ECT2L: variants seen among roughly 807,000 people sequenced by gnomAD.
ECT2L encodes epithelial cell transforming 2 like.
A neutral mutation model predicts 122.8 loss-of-function variants in ECT2L; 126 were observed. The ratio of observed to expected loss-of-function variants is 1.03; its 90% CI spans 0.89 to 1.19. The LOEUF (loss-of-function observed/expected upper bound fraction) is 1.19. Ranked by LOEUF, ECT2L falls within the 50% of genes most tolerant of loss-of-function variation. The pLI, the probability that ECT2L is intolerant of heterozygous loss-of-function variation, is 0.00. For synonymous variants in ECT2L, 385 were observed against 381.8 expected, an observed-to-expected ratio of 1.01 and a Z score of -0.10; for missense variants, 1,012 against 1,064.1, an observed-to-expected ratio of 0.95 and a Z score of 0.68.
At chr6:138,845,917 A>G (rs1355653153) in intron 7 of ECT2L, among the ~76,000 whole-genome samples, 3 of 150,718 alleles carry the variant, frequency 2.0e-5, no homozygotes, top group African/African-American at 7.3e-5. Flanking sequence ...CCCCCACCCA[A>G]AAAAAAATCT....
chr6:138,897,179 T>A (rs1400476123), intron 20 of ECT2L, among the ~76,000 whole-genome samples: 1 of 151,922 alleles, frequency 6.6e-6, no homozygotes, highest in South Asian at 2.1e-4. Flanking sequence ...ACCATTGGAG[T>A]TGGTTCTGAG....
At position 138,847,354 on chromosome 6, in the gene ECT2L, A is replaced by ATTTTTTTTTTTTTTTTTTTTT. The variant is rs1562471985; in HGVS notation, c.903+677_903+678insTTTTTTTTTTTTTTTTTTTTT. ...TTTTGAAAAAGCATTAAAGGCCCAA[A>ATTTTTTTTTTTTTTTTTTTTT]CTTTTTTTTTTTTTTTTTTTTTTTT... On this transcript the variant is annotated intron_variant, in intron 8 of 21. Coordinates refer to ENST00000541398, the MANE Select transcript of ECT2L (RefSeq NM_001077706.3). 3.6e-5 allele frequency among the ~76,000 whole-genome samples: 4 copies of ATTTTTTTTTTTTTTTTTTTTT among 111,064 alleles called. 1 individual carries two copies. Among genetic ancestry groups the ATTTTTTTTTTTTTTTTTTTTT allele is most frequent in the African/African-American group, 1.6e-4 (4 of 24,946 alleles). 72.9% of individuals were successfully genotyped at this position (111,064 alleles called of 152,430 possible).
At position 138,854,027 on chromosome 6, in the gene ECT2L, C is replaced by T. The variant is rs184996835; in HGVS notation, c.1071C>T (p.Gly357=). The T allele has an allele frequency of 4.7e-5, 76 of 1,613,080 alleles. No individual in the cohort carries two copies. Among genetic ancestry groups the T allele is most frequent in the Non-Finnish European group, 5.9e-5 (70 of 1,179,502 alleles). ...GDSREINLLQ[G]YKIGVKNLLR... ...GACATTTTGATTTTTTTTCCTCAGG[C>T]TATAAAATTGGTGTTAAAAATTTAC... is the stretch of plus-strand genomic sequence containing the variant. The change falls in exon 10 of 22, where the codon GGC becomes GGT. Residue 357 remains glycine (G), a splice_region_variant and synonymous_variant. Coordinates refer to ENST00000541398, the MANE Select transcript of ECT2L (RefSeq NM_001077706.3).
chr6:138,821,241 A>G (rs1776258307), intron 4 of ECT2L, among the ~76,000 whole-genome samples: 1 of 152,050 alleles, frequency 6.6e-6, no homozygotes, highest in African/African-American at 2.4e-5. Flanking sequence ...AATGTGTTTC[A>G]CTCCAGGCAG....
intron 1 of ECT2L, among the ~76,000 whole-genome samples, chr6:138,805,190 G>A (rs188982548): frequency 3.3e-5 from 5 of 152,250 alleles, no homozygotes; most frequent in South Asian, 2.1e-4. Flanking sequence ...ATTCTATTGC[G>A]TGAATGCATG....
chr6:138,871,669 G>A (rs934433148), intron 13 of ECT2L, among the ~76,000 whole-genome samples: 2 of 152,134 alleles, frequency 1.3e-5, no homozygotes, highest in African/African-American at 4.8e-5. Context: ...AGCCAGGCAT[G>A]GTGGGGCACA....
intron 4 of ECT2L, among the ~76,000 whole-genome samples, chr6:138,834,896 C>CAG (rs1776769030): frequency 3.6e-5 from 3 of 84,160 alleles, no homozygotes; most frequent in Non-Finnish European, 7.0e-5. Context: ...CCCCCGTTTA[C>CAG]ACACACACAC....
intron 13 of ECT2L, among the ~76,000 whole-genome samples, chr6:138,870,725 C>T (rs927593308): frequency 4.6e-5 from 7 of 151,968 alleles, no homozygotes; most frequent in African/African-American, 1.7e-4. Flanking sequence ...AAAGCGAGTT[C>T]TGGCTGGGCG....
intron 18 of ECT2L, 146 bp from the exon 19 acceptor site, chr6:138,886,711 C>T: frequency 1.5e-6 from 1 of 645,718 alleles, no homozygotes; most frequent in East Asian, 2.8e-5. Flanking sequence ...AGTCACTACA[C>T]CCGGCCCAGA....
In ECT2L at chr6:138,862,805, T is replaced by C. The variant is rs186071696; in HGVS notation, c.1291+86T>C. The C allele has an allele frequency of 2.9e-3, 3,184 of 1,084,490 alleles. 14 individuals carry two copies. The highest frequency in any genetic ancestry group is 3.2e-3 in the Non-Finnish European group (2,305 of 716,008). 67.2% of individuals were successfully genotyped at this position (1,084,490 alleles called of 1,614,324 possible). On this transcript the variant is annotated intron_variant, in intron 11 of 21. Transcript: ENST00000541398. ...AAAGACAAAATCCAGTTAATAGTAC[T>C]GGTATGGCTGATATCCATTACTCTC...
chr6:138,900,402 A>G (rs985498810), intron 20 of ECT2L, among the ~76,000 whole-genome samples: 1 of 152,092 alleles, frequency 6.6e-6, no homozygotes, highest in African/African-American at 2.4e-5. Context: ...ATGTGCCACC[A>G]TGCATGGCTA....
intron 20 of ECT2L, among the ~76,000 whole-genome samples, chr6:138,894,487 T>G (rs932031467): frequency 6.6e-5 from 10 of 152,220 alleles, no homozygotes; most frequent in African/African-American, 2.4e-4. Context: ...CATTTTATGC[T>G]CTAATTGTGA....
At chr6:138,881,731 C>G (rs1410328311) in intron 15 of ECT2L, among the ~76,000 whole-genome samples, 1 of 151,946 alleles carries the variant, frequency 6.6e-6, no homozygotes, top group African/African-American at 2.4e-5. Flanking sequence ...ATGTGCAGTT[C>G]ACCATAGTGT....
chr6:138,856,921 C>A (rs1777631171), intron 10 of ECT2L, among the ~76,000 whole-genome samples: 1 of 152,214 alleles, frequency 6.6e-6, no homozygotes, highest in African/African-American at 2.4e-5. Context: ...AACCCTGTCT[C>A]TCAGCTTTGA....
chr6:138,810,856 A>G (rs533986429), intron 1 of ECT2L, among the ~76,000 whole-genome samples: 5 of 152,300 alleles, frequency 3.3e-5, no homozygotes, highest in Admixed American at 6.5e-5. Flanking sequence ...ACCCTTGTGA[A>G]TCGTTTTTAG....
intron 11 of ECT2L, among the ~76,000 whole-genome samples, chr6:138,863,412 G>C (rs1335032287): frequency 6.6e-6 from 1 of 152,150 alleles, no homozygotes; most frequent in Non-Finnish European, 1.5e-5. Context: ...CTGTGAAACT[G>C]GTAAGGGAAA....
chr6:138,863,919 G>A (rs977233207), intron 11 of ECT2L, among the ~76,000 whole-genome samples: 1 of 139,236 alleles, frequency 7.2e-6, no homozygotes, highest in East Asian at 2.2e-4. Flanking sequence ...GCCGGGAACA[G>A]GTTTTCTTCT....
chr6:138,868,617 G>A (rs1157807895), intron 13 of ECT2L, among the ~76,000 whole-genome samples: 1 of 152,118 alleles, frequency 6.6e-6, no homozygotes, highest in Non-Finnish European at 1.5e-5. Context: ...CGGGAAAAGG[G>A]GCTAGATGAG....
intron 4 of ECT2L, among the ~76,000 whole-genome samples, chr6:138,834,067 TAATTA>T (rs1462814722): frequency 1.3e-5 from 2 of 152,196 alleles, no homozygotes; most frequent in African/African-American, 4.8e-5. Flanking sequence ...TAAGAGCAGA[TAATTA>T]AATTCAAGTC....
Sources: gnomAD v4.1 joint callset for allele counts (sites outside exome capture counted in the v4.1 genomes callset) on GRCh38, gnomAD v4.1.1 for gene constraint, MANE v1.5 for transcripts, NCBI Gene and HGNC (gene_info 2026-07-23, HGNC 2026-07-21) for gene names.